Variants in LYN observed in about 807,000 individuals in gnomAD.
The protein encoded by LYN is LYN proto-oncogene, Src family tyrosine kinase.
LYN carries 12 observed loss-of-function variants against 65.0 expected under a neutral mutation model. That is an observed-to-expected ratio of 0.18 (90% CI 0.12 to 0.30). The LOEUF is 0.30. Among genes scored for constraint, LYN ranks in the 10% least tolerant of loss-of-function variants. LYN has a pLI of 1.00. For missense variants in LYN, 380 were observed against 623.2 expected, an observed-to-expected ratio of 0.61 and a Z score of 4.16; for synonymous variants, 222 against 221.2, an observed-to-expected ratio of 1.00 and a Z score of -0.03.
intron 10 of LYN, among the ~76,000 whole-genome samples, chr8:55,990,692 T>C (rs1230042656): frequency 6.6e-6 from 1 of 152,194 alleles, no homozygotes; most frequent in Non-Finnish European, 1.5e-5. Context: ...TCTCAGGATC[T>C]CTATTTTAAT....
intron 12 of LYN, 55 bp downstream of exon 12, chr8:55,999,604 T>C: frequency 6.5e-7 from 1 of 1,546,734 alleles, no homozygotes; most frequent in Non-Finnish European, 8.9e-7. Context: ...AAAAGTCAGG[T>C]TGCATGAAGG....
intron 1 of LYN, among the ~76,000 whole-genome samples, chr8:55,882,162 C>T (rs1226586181): frequency 6.6e-6 from 1 of 152,140 alleles, no homozygotes; most frequent in East Asian, 1.9e-4. Flanking sequence ...GAAGAGAGGT[C>T]CTGATGTGGG....
intron 1 of LYN, among the ~76,000 whole-genome samples, chr8:55,894,331 C>G (rs905852270): frequency 6.6e-6 from 1 of 151,908 alleles, no homozygotes; most frequent in South Asian, 2.1e-4. Context: ...TCCTGAGTAG[C>G]TGGGACTAGA....
rs145448944 is a variant in LYN, at chr8:55,949,173, A to G, written c.285-1286A>G. Among the ~76,000 whole-genome samples the G allele has an allele frequency of 1.7e-3, 258 of 152,340 alleles. 2 individuals are homozygous for G. The Middle Eastern group carries it at 0.034, about 20-fold the overall frequency. On this transcript the variant is annotated intron_variant, in intron 4 of 12. Transcript: ENST00000519728. Reference sequence around the variant, plus strand: ...TCTTTTCATAGTGTCCATCTCTATGATAACTAGATGTTTGAACAAAGGAGT... The same window carrying G: ...TCTTTTCATAGTGTCCATCTCTATGGTAACTAGATGTTTGAACAAAGGAGT...
At chr8:55,888,631 G>A (rs1367931746) in intron 1 of LYN, among the ~76,000 whole-genome samples, 1 of 152,208 alleles carries the variant, frequency 6.6e-6, no homozygotes, top group Non-Finnish European at 1.5e-5. Context: ...TTCTGTGACA[G>A]CAATAGGCTT....
At chr8:55,908,189 G>C (rs28684661) in intron 1 of LYN, among the ~76,000 whole-genome samples, 11 of 151,622 alleles carry the variant, frequency 7.3e-5, no homozygotes. Flanking sequence ...GGTGATAAGG[G>C]CATCAATTCC....
chr8:55,986,806 G>A (rs1808085741), intron 10 of LYN, among the ~76,000 whole-genome samples: 1 of 152,152 alleles, frequency 6.6e-6, no homozygotes, highest in Non-Finnish European at 1.5e-5. Flanking sequence ...CCTCACTGCA[G>A]CCTGAAACTC....
chr8:55,930,841 G>A lies in LYN; in HGVS notation c.-5-11014G>A, dbSNP rs28373742. Among the ~76,000 whole-genome samples the A allele has an allele frequency of 6.1e-3, 927 of 152,044 alleles. 7 individuals are homozygous for A. Among genetic ancestry groups the A allele is most frequent in the African/African-American group, 0.021 (878 of 41,468 alleles). On this transcript the variant is annotated intron_variant, in intron 1 of 12. Transcript: ENST00000519728. ...CAGCTCATCCCAGGACCTTGGCAGG[G>A]CCTGTTTCTTTTACCTCACACTGAA...
At chr8:56,005,379 A>G (rs557002873) in intron 12 of LYN, among the ~76,000 whole-genome samples, 17 of 152,272 alleles carry the variant, frequency 1.1e-4, no homozygotes, top group Non-Finnish European at 2.2e-4. Context: ...CCCTGCATGA[A>G]GCTTCTCCAT....
chr8:55,937,944 G>T (rs763554883), intron 1 of LYN, among the ~76,000 whole-genome samples: 1 of 152,060 alleles, frequency 6.6e-6, no homozygotes. Context: ...TGATCCACCC[G>T]CCTCGGCCTC....
intron 1 of LYN, among the ~76,000 whole-genome samples, chr8:55,894,950 T>C (rs1159737713): frequency 3.9e-5 from 6 of 152,178 alleles, no homozygotes; most frequent in African/African-American, 1.4e-4. Context: ...CCCAAAGTGC[T>C]GGGATTACAG....
chr8:55,891,911 C>T (rs1314671772), intron 1 of LYN, among the ~76,000 whole-genome samples: 1 of 152,100 alleles, frequency 6.6e-6, no homozygotes, highest in Non-Finnish European at 1.5e-5. Context: ...TAATACATGG[C>T]CACGTGGATT....
chr8:55,909,014 C>T (rs991800809), intron 1 of LYN, among the ~76,000 whole-genome samples: 51,127 of 64,630 alleles, frequency 0.79, 18,911 homozygotes, highest in East Asian at 0.95. Context: ...TATATATACA[C>T]ACACACACAC....
intron 1 of LYN, among the ~76,000 whole-genome samples, chr8:55,930,200 G>C (rs916036953): frequency 2.0e-5 from 3 of 152,182 alleles, no homozygotes; most frequent in African/African-American, 7.2e-5. Flanking sequence ...AGCTAACCTA[G>C]ACTCCTGATG....
Position 55,999,364 on chromosome 8 carries a change from C to CT in LYN, c.1205-48dup, listed in dbSNP as rs1273973546. ...AAAGTATGGGGTCACATGTTCATGA[C>CT]TTTTTTGTTTAAGTTTAAATACCCA... On this transcript the variant is annotated intron_variant, in intron 11 of 12. Transcript: ENST00000519728. 1.2e-5 allele frequency: 19 copies of CT among 1,537,846 alleles called. No individual in the cohort carries two copies. In the East Asian group the frequency reaches 4.1e-4, roughly 33 times the overall value.
At chr8:55,938,096 G>A (rs1806493553) in intron 1 of LYN, among the ~76,000 whole-genome samples, 1 of 152,174 alleles carries the variant, frequency 6.6e-6, no homozygotes, top group South Asian at 2.1e-4. Flanking sequence ...TAAGGCTCTT[G>A]AATGAGGATG....
intron 1 of LYN, among the ~76,000 whole-genome samples, chr8:55,931,178 AAATAT>A (rs1207942579): frequency 4.1e-5 from 6 of 147,946 alleles, no homozygotes; most frequent in Non-Finnish European, 7.4e-5. Context: ...TTATATTTTA[AAATAT>A]AATATGTAAC....
At chr8:55,901,712 A>C (rs961976069) in intron 1 of LYN, among the ~76,000 whole-genome samples, 8 of 152,244 alleles carry the variant, frequency 5.3e-5, no homozygotes, top group Non-Finnish European at 1.0e-4. Flanking sequence ...CTACAGCAGC[A>C]CTGCTCTATC....
chr8:55,932,879 G>T (rs1806310225), intron 1 of LYN, among the ~76,000 whole-genome samples: 3 of 152,196 alleles, frequency 2.0e-5, no homozygotes, highest in South Asian at 4.1e-4. Context: ...AAACCAAATT[G>T]CAGGCTCTCA....
Sources: allele counts gnomAD v4.1 joint callset (sites outside exome capture counted in the v4.1 genomes callset), GRCh38; gene constraint gnomAD v4.1.1; transcripts MANE v1.5; gene names NCBI Gene and HGNC (gene_info 2026-07-23, HGNC 2026-07-21).